Variants in CNTNAP5 observed in about 807,000 individuals in gnomAD.
CNTNAP5 encodes contactin-associated protein-like 5.
Under a neutral mutation model 150.2 loss-of-function variants are expected in CNTNAP5, and 72 were observed. The ratio of observed to expected loss-of-function variants is 0.48; its 90% CI spans 0.40 to 0.58. The LOEUF (loss-of-function observed/expected upper bound fraction) is 0.58, where lower values mean the gene tolerates loss of function less well. Ranked by LOEUF, CNTNAP5 falls within the 20% of genes least tolerant of loss-of-function variation. CNTNAP5 has a pLI of 0.00. For synonymous variants in CNTNAP5, 672 were observed against 619.8 expected (o/e 1.08, Z -1.25); for missense variants, 1,636 against 1,626.2 (o/e 1.01, Z -0.10).
At chr2:124,243,373 T>G (rs936875047) in intron 3 of CNTNAP5, among the ~76,000 whole-genome samples, 1 of 152,154 alleles carries the variant, frequency 6.6e-6, no homozygotes, top group Non-Finnish European at 1.5e-5. Flanking sequence ...CCCATCTCCC[T>G]GATAAAAATG....
At chr2:124,855,893 T>A (rs147147585) in intron 19 of CNTNAP5, among the ~76,000 whole-genome samples, 2,067 of 152,206 alleles carry the variant, frequency 0.014, 55 homozygotes, top group African/African-American at 0.046. Context: ...GTCCCCAAAG[T>A]CCATTGTATC....
chr2:124,792,149 A>G (rs982432811), intron 18 of CNTNAP5, among the ~76,000 whole-genome samples: 2 of 152,156 alleles, frequency 1.3e-5, no homozygotes, highest in Non-Finnish European at 2.9e-5. Flanking sequence ...AATACTGAAT[A>G]TATCTTGGAT....
At chr2:124,377,875 C>G (rs1690690876) in intron 3 of CNTNAP5, among the ~76,000 whole-genome samples, 1 of 151,942 alleles carries the variant, frequency 6.6e-6, no homozygotes, top group Non-Finnish European at 1.5e-5. Flanking sequence ...GAAGGAAAAA[C>G]TTTCACATCC....
chr2:124,567,868 G>GAGATAA (rs1696065579), intron 11 of CNTNAP5, among the ~76,000 whole-genome samples: 1 of 143,892 alleles, frequency 6.9e-6, no homozygotes, highest in Admixed American at 7.4e-5. Flanking sequence ...TAGATAGATA[G>GAGATAA]ATAGATAGAT....
At chr2:124,683,226 T>C (rs1679110964) in intron 13 of CNTNAP5, among the ~76,000 whole-genome samples, 1 of 152,194 alleles carries the variant, frequency 6.6e-6, no homozygotes, top group Non-Finnish European at 1.5e-5. Flanking sequence ...GTAGATTCTT[T>C]TCAGACTGCT....
chr2:124,377,614 G>A (rs554403994), intron 3 of CNTNAP5, among the ~76,000 whole-genome samples: 1 of 151,376 alleles, frequency 6.6e-6, no homozygotes, highest in Non-Finnish European at 1.5e-5. Context: ...GGTGGAGGTT[G>A]CAGTGAGCCA....
chr2:124,525,761 T>G (rs556782122), intron 9 of CNTNAP5, among the ~76,000 whole-genome samples: 7 of 152,168 alleles, frequency 4.6e-5, no homozygotes, highest in Non-Finnish European at 8.8e-5. Context: ...CTGCAAAAGT[T>G]TTTATGACTT....
At chr2:124,220,295 T>C (rs1686271090) in intron 1 of CNTNAP5, among the ~76,000 whole-genome samples, 1 of 152,112 alleles carries the variant, frequency 6.6e-6, no homozygotes, top group Non-Finnish European at 1.5e-5. Flanking sequence ...TGAAATTAAA[T>C]GTGTACAAGA....
intron 3 of CNTNAP5, among the ~76,000 whole-genome samples, chr2:124,356,715 A>G (rs1690020160): frequency 6.6e-6 from 1 of 151,940 alleles, no homozygotes; most frequent in South Asian, 2.1e-4. Context: ...ATTGTTAGAC[A>G]TTTGGGTTGG....
intron 3 of CNTNAP5, among the ~76,000 whole-genome samples, chr2:124,258,616 A>C (rs1687373102): frequency 1.3e-5 from 2 of 152,130 alleles, no homozygotes; most frequent in African/African-American, 4.8e-5. Context: ...CGCTATGGTA[A>C]GGGAATGAAG....
intron 12 of CNTNAP5, among the ~76,000 whole-genome samples, chr2:124,639,023 C>T (rs555874570): frequency 2.0e-5 from 3 of 152,292 alleles, no homozygotes; most frequent in African/African-American, 7.2e-5. Flanking sequence ...CATCCTTTCC[C>T]ACCATGTGTC....
intron 11 of CNTNAP5, among the ~76,000 whole-genome samples, chr2:124,587,428 G>T (rs561479062): frequency 1.3e-5 from 2 of 152,264 alleles, no homozygotes; most frequent in South Asian, 4.1e-4. Context: ...TTTCTTTGAT[G>T]TCTGATTGTT....
At chr2:124,580,379 G>A (rs1234853948) in intron 11 of CNTNAP5, among the ~76,000 whole-genome samples, 1 of 152,180 alleles carries the variant, frequency 6.6e-6, no homozygotes, top group Non-Finnish European at 1.5e-5. Context: ...CCAATCAAAG[G>A]TGGTCAACTG....
intron 2 of CNTNAP5, among the ~76,000 whole-genome samples, chr2:124,230,489 C>A (rs1033654429): frequency 5.5e-5 from 7 of 126,570 alleles, no homozygotes; most frequent in Non-Finnish European, 1.1e-4. Flanking sequence ...TTATTTATTT[C>A]TTTTGTGTGT....
rs185603390 is a variant in CNTNAP5, at chr2:124,175,038, T to C, written c.83-46667T>C. ...TTAATTAAAGTAAGTACATTTTTTT[T>C]AGACATAATGTTATGCACACTTAAT... On this transcript the variant is annotated intron_variant, in intron 1 of 23. Coordinates refer to ENST00000682447, the MANE Select transcript of CNTNAP5 (RefSeq NM_001367498.1). Among the ~76,000 whole-genome samples, 149 of 152,340 alleles carry C rather than the reference T, an allele frequency of 9.8e-4. 1 individual carries two copies. The highest frequency in any genetic ancestry group is 3.5e-3 in the African/African-American group (144 of 41,576).
intron 12 of CNTNAP5, among the ~76,000 whole-genome samples, chr2:124,636,394 A>C (rs1677969013): frequency 6.6e-6 from 1 of 152,110 alleles, no homozygotes; most frequent in Non-Finnish European, 1.5e-5. Context: ...AGAAATATAG[A>C]CTCTGGTTTC....
At chr2:124,743,567 G>A (rs1325739847) in intron 13 of CNTNAP5, among the ~76,000 whole-genome samples, 1 of 152,126 alleles carries the variant, frequency 6.6e-6, no homozygotes, top group Non-Finnish European at 1.5e-5. Context: ...TACTTGCAGG[G>A]AGGTCATGGT....
chr2:124,247,489 G>A (rs1687058742), intron 3 of CNTNAP5, among the ~76,000 whole-genome samples: 1 of 152,096 alleles, frequency 6.6e-6, no homozygotes, highest in African/African-American at 2.4e-5. Context: ...ATGAATGTGA[G>A]GGGCTTAGAC....
intron 7 of CNTNAP5, among the ~76,000 whole-genome samples, chr2:124,490,426 G>A (rs13394946): frequency 0.016 from 2,497 of 151,346 alleles, 77 homozygotes; most frequent in African/African-American, 0.057. Flanking sequence ...AGGAAAGAAA[G>A]AAAGAAAGAA....
Sources: gnomAD v4.1 joint callset for allele counts (sites outside exome capture counted in the v4.1 genomes callset) on GRCh38, gnomAD v4.1.1 for gene constraint, MANE v1.5 for transcripts, NCBI Gene and HGNC (gene_info 2026-07-23, HGNC 2026-07-21) for gene names.